The following EYA2 variants were observed in gnomAD, a reference collection of about 807,000 sequenced individuals.
The protein encoded by EYA2 is EYA transcriptional coactivator and phosphatase 2.
Under a neutral mutation model 69.2 loss-of-function variants are expected in EYA2, and 31 were observed. The ratio of observed to expected loss-of-function variants is 0.45; its 90% confidence interval spans 0.34 to 0.60. The LOEUF (loss-of-function observed/expected upper bound fraction) is 0.60, where lower values mean the gene tolerates loss of function less well. EYA2 is among the 20% of genes least tolerant of loss of function. The pLI is 0.02. For missense variants in EYA2, 622 were observed against 701.2 expected (o/e 0.89, Z 1.28); for synonymous variants, 257 against 279.4 (o/e 0.92, Z 0.80).
rs1336984974 is a variant in EYA2, at chr20:47,097,143, G to A, written c.863G>A (p.Gly288Glu). 4.3e-6 allele frequency: 7 copies of A among 1,610,922 alleles called. No individual in the cohort carries two copies. The highest frequency in any genetic ancestry group is 5.9e-6 in the Non-Finnish European group (7 of 1,178,830). Reference protein sequence around the residue: ...TIIIFHSLLTGTFASRYGKDT... With the variant: ...TIIIFHSLLTETFASRYGKDT... The stretch of plus-strand genomic sequence containing the variant: ...ATTATTTTTCACTCCTTACTCACGG[G>A]GACATTTGCATCCAGATACGGGAAG... Residue 288 changes from glycine (G) to glutamate (E), a missense_variant, in exon 9 of 16, where the codon GGG (glycine) becomes GAG (glutamate). Transcript: ENST00000327619.
rs989134647 is a variant in EYA2, at chr20:47,004,629, G to T, written c.156-313G>T. On this transcript the variant is annotated intron_variant, in intron 3 of 15. Transcript: ENST00000327619. Reference sequence around the variant, plus strand: ...GTGCCCTCCACAGTTGCTATCAAAAGAGGAGAAAGGACAGGAGGGTTGCGG... The same window carrying T: ...GTGCCCTCCACAGTTGCTATCAAAATAGGAGAAAGGACAGGAGGGTTGCGG... 2.0e-5 allele frequency among the ~76,000 whole-genome samples: 3 copies of T among 152,316 alleles called. No homozygotes were observed. In the South Asian group the frequency reaches 6.2e-4, roughly 32 times the overall value.
chr20:46,996,571 A>G (rs918594387), intron 2 of EYA2, among the ~76,000 whole-genome samples: 5 of 152,156 alleles, frequency 3.3e-5, no homozygotes, highest in African/African-American at 1.2e-4. Flanking sequence ...TTATAATTGC[A>G]GTTAAGTACT....
In EYA2 at chr20:47,131,753, C is replaced by T. The variant is rs567539415; in HGVS notation, c.889-11306C>T. Among the ~76,000 whole-genome samples, 13 of 152,294 alleles carry T rather than the reference C, an allele frequency of 8.5e-5. No individual in the cohort carries two copies. In the East Asian group the frequency reaches 1.3e-3, roughly 16 times the overall value. ...TTCTCCTCTGAAGCCTTCAAAGGAA[C>T]GCAGCCCTGCAGACACCTCTCATCT... is the stretch of plus-strand genomic sequence containing the variant. On this transcript the variant is annotated intron_variant, in intron 9 of 15. Coordinates refer to ENST00000327619, the MANE Select transcript of EYA2 (RefSeq NM_005244.5).
At chr20:46,932,519 T>G (rs938712772) in intron 1 of EYA2, among the ~76,000 whole-genome samples, 1 of 151,222 alleles carries the variant, frequency 6.6e-6, no homozygotes, top group African/African-American at 2.5e-5. Context: ...TGATTGGATC[T>G]TGGGGGCATT....
intron 1 of EYA2, among the ~76,000 whole-genome samples, chr20:46,962,316 C>A (rs933393851): frequency 9.2e-5 from 14 of 152,112 alleles, no homozygotes; most frequent in Non-Finnish European, 4.4e-5. Flanking sequence ...CATGAGCGAC[C>A]GTGCCCAGTC....
At chr20:47,115,860 C>G (rs543887649) in intron 9 of EYA2, among the ~76,000 whole-genome samples, 2 of 152,342 alleles carry the variant, frequency 1.3e-5, no homozygotes, top group East Asian at 3.9e-4. Flanking sequence ...CCCTGCCAAC[C>G]TTGCCAACTT....
intron 10 of EYA2, among the ~76,000 whole-genome samples, chr20:47,158,870 A>G (rs1268000387): frequency 6.6e-6 from 1 of 151,980 alleles, no homozygotes; most frequent in Non-Finnish European, 1.5e-5. Context: ...AATAAATAAT[A>G]TAATATCAGA....
At chr20:47,172,934 C>G in intron 12 of EYA2, 67 bp downstream of exon 12, 2 of 1,510,290 alleles carry the variant, frequency 1.3e-6, no homozygotes, top group Non-Finnish European at 1.8e-6. Flanking sequence ...GTCAGTGTCC[C>G]TGCTGTGCCA....
chr20:47,092,282 G>A (rs948989932), intron 8 of EYA2, among the ~76,000 whole-genome samples: 2 of 152,130 alleles, frequency 1.3e-5, no homozygotes, highest in African/African-American at 2.4e-5. Context: ...CTGGTGCAGA[G>A]CAAGTGTTCC....
At chr20:47,012,774 G>A (rs903854675) in intron 4 of EYA2, among the ~76,000 whole-genome samples, 23 of 152,296 alleles carry the variant, frequency 1.5e-4, no homozygotes, top group Admixed American at 2.6e-4. Context: ...GATTACAGGC[G>A]TGAGCCACCG....
intron 1 of EYA2, among the ~76,000 whole-genome samples, chr20:46,927,003 C>G (rs1223024747): frequency 1.3e-5 from 2 of 152,168 alleles, no homozygotes; most frequent in Non-Finnish European, 2.9e-5. Flanking sequence ...CAGAGGATGG[C>G]CCAGCAGGCA....
At chr20:46,910,297 G>A (rs531280960) in intron 1 of EYA2, among the ~76,000 whole-genome samples, 35 of 152,214 alleles carry the variant, frequency 2.3e-4, no homozygotes, top group African/African-American at 7.7e-4. Context: ...AGAAAGAGGC[G>A]GGAGGTGCCA....
chr20:47,127,843 A>T (rs552157697), intron 9 of EYA2, among the ~76,000 whole-genome samples: 43 of 152,374 alleles, frequency 2.8e-4, no homozygotes, highest in African/African-American at 8.9e-4. Flanking sequence ...ATCTGGAAGG[A>T]CTGACCGTGG....
At chr20:46,940,594 G>C (rs1001072630) in intron 1 of EYA2, among the ~76,000 whole-genome samples, 2 of 152,182 alleles carry the variant, frequency 1.3e-5, no homozygotes, top group Non-Finnish European at 2.9e-5. Flanking sequence ...AAGGCACAAA[G>C]GCCACCCATG....
chr20:46,987,982 A>C (rs1393916048), intron 1 of EYA2, among the ~76,000 whole-genome samples: 16 of 67,746 alleles, frequency 2.4e-4, no homozygotes, highest in African/African-American at 3.7e-4. Context: ...ATATATATAT[A>C]TATATATATA....
At chr20:47,045,292 C>T (rs1468106893) in intron 5 of EYA2, among the ~76,000 whole-genome samples, 1 of 152,296 alleles carries the variant, frequency 6.6e-6, no homozygotes, top group Non-Finnish European at 1.5e-5. Context: ...GACTCTCTTC[C>T]TCCAGATATC....
intron 1 of EYA2, among the ~76,000 whole-genome samples, chr20:46,959,390 C>T (rs1053460248): frequency 6.6e-6 from 1 of 152,148 alleles, no homozygotes; most frequent in African/African-American, 2.4e-5. Flanking sequence ...TTAGCAGTAT[C>T]CCTGGCCTCT....
chr20:47,066,032 A>C (rs1259705691), intron 5 of EYA2, among the ~76,000 whole-genome samples: 1 of 152,222 alleles, frequency 6.6e-6, no homozygotes, highest in Non-Finnish European at 1.5e-5. Context: ...TGATTGAATG[A>C]ATATCCACTT....
At chr20:46,952,895 C>T (rs1319847253) in intron 1 of EYA2, among the ~76,000 whole-genome samples, 1 of 152,176 alleles carries the variant, frequency 6.6e-6, no homozygotes, top group African/African-American at 2.4e-5. Context: ...GTGTTTTGCC[C>T]AGGGAAACTC....
Sources: allele counts gnomAD v4.1 joint callset (sites outside exome capture counted in the v4.1 genomes callset), GRCh38; gene constraint gnomAD v4.1.1; transcripts MANE v1.5; gene names NCBI Gene and HGNC (gene_info 2026-07-23, HGNC 2026-07-21).